TUT4: variants seen among roughly 807,000 people sequenced by gnomAD.
TUT4 encodes terminal uridylyltransferase 4.
TUT4 carries 36 observed loss-of-function variants against 192.2 expected under a neutral mutation model. The observed-to-expected ratio is 0.19, with a 90% CI of 0.14 to 0.25. The LOEUF (loss-of-function observed/expected upper bound fraction) is 0.25, where lower values mean the gene tolerates loss of function less well. TUT4 is among the 10% of genes least tolerant of loss of function. The pLI is 1.00. For synonymous variants in TUT4, 618 were observed against 666.0 expected (o/e 0.93, Z 1.11); for missense variants, 1,493 against 1,957.2 (o/e 0.76, Z 4.47).
At chr1:52,468,387 C>T in intron 14 of TUT4, 120 bp from the exon 15 acceptor site, 1 of 705,668 alleles carries the variant, frequency 1.4e-6, no homozygotes, top group Non-Finnish European at 2.2e-6. Context: ...TTGTTGACTT[C>T]TCTGACTTTA....
intron 14 of TUT4, among the ~76,000 whole-genome samples, chr1:52,469,036 G>C (rs1391414369): frequency 8.1e-6 from 1 of 122,718 alleles, no homozygotes; most frequent in Non-Finnish European, 1.6e-5. Flanking sequence ...AGAAGAAGGG[G>C]AGTTAAATAA....
At chr1:52,425,536 T>C (rs761430216) in intron 28 of TUT4, 29 bp from the exon 29 acceptor site, 1 of 1,584,948 alleles carries the variant, frequency 6.3e-7, no homozygotes, top group Admixed American at 1.8e-5. Context: ...GAAAAAGACA[T>C]TTAAAAACAT....
In TUT4 at chr1:52,529,159, T is replaced by C. The variant is rs190987904; in HGVS notation, c.-93-2786A>G. 3.7e-3 allele frequency among the ~76,000 whole-genome samples: 558 copies of C among 152,196 alleles called. 1 individual carries two copies. The highest frequency in any genetic ancestry group is 6.6e-3 in the Non-Finnish European group (448 of 68,002). Reference sequence around the variant, plus strand: ...AGTCAAAACCACACTAGATATGGTGTCAGTTGGAGTCTAGCAAAGTATATT... The same window carrying C: ...AGTCAAAACCACACTAGATATGGTGCCAGTTGGAGTCTAGCAAAGTATATT... On this transcript the variant is annotated intron_variant, in intron 1 of 29. Transcript: ENST00000257177.
chr1:52,447,215 C>T (rs755191251), intron 20 of TUT4, among the ~76,000 whole-genome samples: 11 of 151,814 alleles, frequency 7.2e-5, no homozygotes, highest in Non-Finnish European at 1.2e-4. Context: ...TTTGGGAGGC[C>T]GAGAATGGTG....
rs750211302 is a variant in TUT4, at chr1:52,425,393, T to G, written c.4826A>C (p.Gln1609Pro). The change falls in exon 29 of 30, where the codon CAG (glutamine) becomes CCG (proline). Residue 1609 changes from glutamine to proline, a missense_variant. Coordinates refer to ENST00000257177, the MANE Select transcript of TUT4 (RefSeq NM_001009881.3). ...GTTGGGCTGGAATCGGGCATTTCCC[T>G]GATGCATGAAGTTTTGATGCAAACC... is the stretch of plus-strand genomic sequence containing the variant. ...PYGLHQNFMH[Q>P]GNARFQPNKP... The G allele has an allele frequency of 9.9e-6, 16 of 1,613,908 alleles. No homozygotes were observed. In the South Asian group the frequency reaches 1.8e-4, roughly 18 times the overall value.
chr1:52,470,928 G>A (rs1281479214), intron 14 of TUT4, among the ~76,000 whole-genome samples: 3 of 150,758 alleles, frequency 2.0e-5, no homozygotes, highest in Non-Finnish European at 4.4e-5. Flanking sequence ...ATGTTTATAG[G>A]CTTATCTCTC....
chr1:52,450,557 A>G (rs1339511074), intron 20 of TUT4, among the ~76,000 whole-genome samples: 2 of 152,224 alleles, frequency 1.3e-5, no homozygotes, highest in Non-Finnish European at 2.9e-5. Context: ...AAATCATAAT[A>G]GTAAAAATAA....
chr1:52,455,373 G>A lies in TUT4; in HGVS notation c.3435+2963C>T, dbSNP rs539993119. On this transcript the variant is annotated intron_variant, in intron 20 of 29. Transcript: ENST00000257177. ...CCATTAAAAGTAATCTCAACACTTTGAGAGGCCGAGGTGGGCTTGAGCCCA... is the reference window on the plus strand; with the variant it reads ...CCATTAAAAGTAATCTCAACACTTTAAGAGGCCGAGGTGGGCTTGAGCCCA... 5.3e-5 allele frequency among the ~76,000 whole-genome samples: 8 copies of A among 152,074 alleles called. 1 individual carries two copies. Among genetic ancestry groups the A allele is most frequent in the Admixed American group, 5.2e-4 (8 of 15,256 alleles).
chr1:52,519,659 G>A (rs1005798411), intron 2 of TUT4, among the ~76,000 whole-genome samples: 6 of 151,718 alleles, frequency 4.0e-5, no homozygotes, highest in Non-Finnish European at 7.4e-5. Context: ...ACAGGCATGC[G>A]CCACCACGCC....
Position 52,474,927 on chromosome 1 carries a change from C to A in TUT4, c.2632G>T (p.Ala878Ser), listed in dbSNP as rs146081764. The A allele has an allele frequency of 1.9e-6, 3 of 1,614,018 alleles. No homozygotes were observed. The African/African-American group carries it at 4.0e-5, about 22-fold the overall frequency. ...TTAAGGTCAGAAGCATCTTCTGTAG[C>A]TTTGCAGTTGCAAGAGGTAGCAGAT... ...DTSATSCNCKATEDASDLNDD... is the reference protein window; with the variant it reads ...DTSATSCNCKSTEDASDLNDD... The change falls in exon 13 of 30, where the codon GCT (alanine) becomes TCT (serine). Residue 878 changes from alanine to serine, a missense_variant. Physicochemically the swap from Ala to Ser is moderately conservative, Grantham distance 99. Around this residue, in one of 7 missense-constraint regions of TUT4, gnomAD observed 245 missense variants for 218.4 expected, o/e 1.12. Coordinates refer to ENST00000257177, the MANE Select transcript of TUT4 (RefSeq NM_001009881.3).
Position 52,431,444 on chromosome 1 carries a change from T to G in TUT4, c.4280A>C (p.Tyr1427Ser). 1 of 1,601,014 alleles carries G rather than the reference T, an allele frequency of 6.2e-7. No homozygotes were observed. The highest frequency in any genetic ancestry group is 2.2e-5 in the East Asian group (1 of 44,484). The stretch of plus-strand genomic sequence containing the variant: ...TGGAAATGGCTGAGGCTGAGGAGAA[T>G]AAGATGGTGATTCAGACTGCAGACA... ...QSSECSESPS[Y>S]SPQPQPFPQN... is the part of the protein sequence containing the mutation. The change falls in exon 28 of 30, where the codon TAT (tyrosine) becomes TCT (serine). Residue 1427 changes from tyrosine (Y) to serine (S), a missense_variant. By Grantham distance (144) the Tyr-to-Ser change is moderately radical. Transcript: ENST00000257177.
chr1:52,462,622 G>A (rs1425199159), intron 16 of TUT4: 2 of 596,060 alleles, frequency 3.4e-6, no homozygotes, highest in African/African-American at 4.0e-5. Flanking sequence ...GATTACATGA[G>A]ACATGTATGT....
Position 52,436,838 on chromosome 1 carries a change from C to A in TUT4, c.4079G>T (p.Cys1360Phe), listed in dbSNP as rs750901130. ...ATGTCCAGCATCTCCACATATAAAACATCTGAGGTCTCTCGGGTCTCTAAA... is the reference window on the plus strand; with the variant it reads ...ATGTCCAGCATCTCCACATATAAAAAATCTGAGGTCTCTCGGGTCTCTAAA... The part of the protein sequence containing the change: ...RDFRDPRDLR[C>F]FICGDAGHVR... Residue 1360 changes from cysteine to phenylalanine, a missense_variant, in exon 26 of 30, where the codon TGT becomes TTT. Coordinates refer to ENST00000257177, the MANE Select transcript of TUT4 (RefSeq NM_001009881.3). 1.9e-6 allele frequency: 3 copies of A among 1,613,980 alleles called. No homozygotes were observed. Among genetic ancestry groups the A allele is most frequent in the Non-Finnish European group, 1.7e-6 (2 of 1,180,016 alleles).
At chr1:52,424,341 A>G (rs1421923021) in intron 29 of TUT4, 1 of 289,006 alleles carries the variant, frequency 3.5e-6, no homozygotes, top group Non-Finnish European at 6.7e-6. Context: ...GCTCAACCAC[A>G]GTCAAGGCTC....
Position 52,525,613 on chromosome 1 carries a change from C to T in TUT4, c.668G>A (p.Gly223Asp), listed in dbSNP as rs967193178. The T allele has an allele frequency of 2.1e-5, 34 of 1,613,578 alleles. No homozygotes were observed. Among genetic ancestry groups the T allele is most frequent in the African/African-American group, 2.7e-5 (2 of 74,918 alleles). Residue 223 changes from glycine to aspartate, a missense_variant, in exon 2 of 30, where the codon GGT (glycine) becomes GAT (aspartate). Around this residue, in one of 7 missense-constraint regions of TUT4, gnomAD observed 260 missense variants for 247.8 expected, o/e 1.05. Coordinates refer to ENST00000257177, the MANE Select transcript of TUT4 (RefSeq NM_001009881.3). ...QKQQTCTDNT[G>D]DSDDSASGIE... Reference sequence around the variant, plus strand: ...TCCTGAAGCACTATCATCAGAATCACCAGTATTATCTGTACATGTCTGTTG... The same window carrying T: ...TCCTGAAGCACTATCATCAGAATCATCAGTATTATCTGTACATGTCTGTTG...
intron 4 of TUT4, among the ~76,000 whole-genome samples, chr1:52,506,617 A>C (rs1472288175): frequency 2.0e-5 from 3 of 152,128 alleles, no homozygotes; most frequent in Non-Finnish European, 4.4e-5. Flanking sequence ...TATAGTTTTA[A>C]TCTTAGATGT....
chr1:52,542,175 G>A (rs1262309308), intron 1 of TUT4, among the ~76,000 whole-genome samples: 7 of 152,188 alleles, frequency 4.6e-5, no homozygotes, highest in Non-Finnish European at 1.0e-4. Context: ...AATGGTGGTT[G>A]CTAGAGGTTA....
chr1:52,442,167 C>CAAAAAAAAA (rs58552556), intron 24 of TUT4, among the ~76,000 whole-genome samples: 15 of 76,346 alleles, frequency 2.0e-4, no homozygotes, highest in African/African-American at 5.1e-4. Context: ...GACTCCACCT[C>CAAAAAAAAA]AAAAAAAAAA....
chr1:52,425,299 C>T (rs145030493), intron 29 of TUT4, 50 bp downstream of exon 29: 4 of 1,574,114 alleles, frequency 2.5e-6, no homozygotes, highest in Admixed American at 3.7e-5. Flanking sequence ...GCTCTCTATC[C>T]CAGAATAAAA....
Sources: allele counts gnomAD v4.1 joint callset (sites outside exome capture counted in the v4.1 genomes callset), GRCh38; gene constraint gnomAD v4.1.1; regional missense constraint gnomAD v4.1.1; transcripts MANE v1.5; gene names NCBI Gene and HGNC (gene_info 2026-07-23, HGNC 2026-07-21).